The following SLIT2 variants were observed in gnomAD, a reference collection of about 807,000 sequenced individuals.
SLIT2 encodes slit guidance ligand 2, also known as slit homolog 2 protein.
A neutral mutation model predicts 185.7 loss-of-function variants in SLIT2; 41 were observed. The ratio of observed to expected loss-of-function variants is 0.22; its 90% CI spans 0.17 to 0.29. The LOEUF (loss-of-function observed/expected upper bound fraction) is 0.29. SLIT2 is among the 10% of genes least tolerant of loss of function. SLIT2 has a pLI of 1.00. For missense variants in SLIT2, 1,571 were observed against 1,909.0 expected (o/e 0.82, Z 3.30); for synonymous variants, 693 against 680.2 (o/e 1.02, Z -0.29).
In SLIT2 at chr4:20,351,973, G is replaced by A. The variant is rs778948400; in HGVS notation, c.395+83092G>A. The stretch of plus-strand genomic sequence containing the variant: ...TGGCATATGACAGTCATATTCTTGG[G>A]TTCTGTTGGTGTTTTTAAATCATGC... On this transcript the variant is annotated intron_variant, in intron 4 of 36. Coordinates refer to ENST00000504154, the MANE Select transcript of SLIT2 (RefSeq NM_004787.4). Among the ~76,000 whole-genome samples the A allele has an allele frequency of 2.6e-5, 4 of 152,106 alleles. No individual in the cohort carries two copies. In the South Asian group the frequency reaches 8.3e-4, roughly 32 times the overall value.
At chr4:20,343,015 G>T (rs1056527754) in intron 4 of SLIT2, among the ~76,000 whole-genome samples, 1 of 151,130 alleles carries the variant, frequency 6.6e-6, no homozygotes, top group Non-Finnish European at 1.5e-5. Context: ...TACATGCATA[G>T]AATGTACAAT....
chr4:20,264,927 C>G (rs1712873015), intron 3 of SLIT2, among the ~76,000 whole-genome samples: 1 of 151,910 alleles, frequency 6.6e-6, no homozygotes, highest in Non-Finnish European at 1.5e-5. Context: ...TTATATATCA[C>G]TATATCTCTG....
intron 11 of SLIT2, among the ~76,000 whole-genome samples, chr4:20,512,497 A>C (rs899905128): frequency 6.6e-6 from 1 of 152,174 alleles, no homozygotes. Context: ...TGACTAGAAG[A>C]AGCACGAGAT....
chr4:20,551,453 A>G (rs1410323842), intron 25 of SLIT2, among the ~76,000 whole-genome samples: 1 of 152,204 alleles, frequency 6.6e-6, no homozygotes, highest in African/African-American at 2.4e-5. Context: ...ACTTGTTTGT[A>G]CCTCCATAGT....
rs142978973 is a variant in SLIT2, at chr4:20,494,616, A to C, written c.914+2717A>C. Among the ~76,000 whole-genome samples, 603 of 152,136 alleles carry C rather than the reference A, an allele frequency of 4.0e-3. 4 individuals carry two copies. The highest frequency in any genetic ancestry group is 0.014 in the African/African-American group (569 of 41,502). On this transcript the variant is annotated intron_variant, in intron 9 of 36. Transcript: ENST00000504154. Reference sequence around the variant, plus strand: ...ACAGTGAAACCCTGTCTCTACTAAAAAATACAACAAAAATTAGCCGGGCGT... The same window carrying C: ...ACAGTGAAACCCTGTCTCTACTAAACAATACAACAAAAATTAGCCGGGCGT...
chr4:20,564,410 A>G (rs1724930005), intron 26 of SLIT2, among the ~76,000 whole-genome samples: 1 of 151,858 alleles, frequency 6.6e-6, no homozygotes, highest in African/African-American at 2.4e-5. Flanking sequence ...GGTTAAGGAG[A>G]ATTACAAGCT....
intron 4 of SLIT2, among the ~76,000 whole-genome samples, chr4:20,391,300 G>T (rs892650316): frequency 4.6e-5 from 7 of 151,982 alleles, no homozygotes; most frequent in African/African-American, 1.7e-4. Flanking sequence ...TATTCCTGAT[G>T]CATGAAATAA....
chr4:20,271,362 T>C (rs957245310), intron 4 of SLIT2, among the ~76,000 whole-genome samples: 1 of 147,630 alleles, frequency 6.8e-6, no homozygotes, highest in Non-Finnish European at 1.5e-5. Context: ...ATTCTATAAA[T>C]ATATATTTAT....
intron 29 of SLIT2, among the ~76,000 whole-genome samples, chr4:20,576,220 A>T (rs1726074590): frequency 6.6e-6 from 1 of 152,204 alleles, no homozygotes; most frequent in African/African-American, 2.4e-5. Flanking sequence ...TCTTATGGGA[A>T]TTCTTTATTC....
At chr4:20,435,783 T>C (rs750065970) in intron 4 of SLIT2, among the ~76,000 whole-genome samples, 10 of 152,096 alleles carry the variant, frequency 6.6e-5, no homozygotes, top group South Asian at 2.1e-4. Flanking sequence ...TAGGTAAAAA[T>C]GGATTGTGGC....
At chr4:20,420,564 C>A (rs945489004) in intron 4 of SLIT2, among the ~76,000 whole-genome samples, 1 of 150,566 alleles carries the variant, frequency 6.6e-6, no homozygotes, top group Non-Finnish European at 1.5e-5. Flanking sequence ...ACCCTAGGAA[C>A]TAGAGGCCAT....
intron 4 of SLIT2, among the ~76,000 whole-genome samples, chr4:20,333,884 G>A (rs1442730669): frequency 2.0e-5 from 3 of 152,264 alleles, no homozygotes; most frequent in Middle Eastern, 3.4e-3. Flanking sequence ...AGTTAGAAAT[G>A]TTTGTCAATT....
chr4:20,504,631 A>G (rs1295820383), intron 9 of SLIT2, among the ~76,000 whole-genome samples: 2 of 152,100 alleles, frequency 1.3e-5, no homozygotes, highest in Non-Finnish European at 2.9e-5. Flanking sequence ...CTGTACTGCT[A>G]ATTTGTTTAA....
chr4:20,370,050 G>A (rs1311761074), intron 4 of SLIT2, among the ~76,000 whole-genome samples: 1 of 152,062 alleles, frequency 6.6e-6, no homozygotes, highest in Non-Finnish European at 1.5e-5. Context: ...CTCTACCCCA[G>A]ACCAACTGAA....
intron 4 of SLIT2, among the ~76,000 whole-genome samples, chr4:20,353,630 G>A (rs572592705): frequency 6.6e-6 from 1 of 152,226 alleles, no homozygotes; most frequent in East Asian, 1.9e-4. Context: ...AATTTTACTT[G>A]CACTTGGAGA....
intron 30 of SLIT2, 60 bp from the exon 31 acceptor site, chr4:20,595,637 G>A (rs1000669513): frequency 2.9e-5 from 46 of 1,596,988 alleles, no homozygotes; most frequent in Non-Finnish European, 3.7e-5. Flanking sequence ...TAGATAAAAT[G>A]CATTGTTTAC....
At chr4:20,312,763 C>T (rs1577411941) in intron 4 of SLIT2, among the ~76,000 whole-genome samples, 2 of 101,396 alleles carry the variant, frequency 2.0e-5, no homozygotes, top group African/African-American at 8.6e-5. Context: ...TAGAGTGAGA[C>T]TTTGTCTCAA....
chr4:20,439,933 A>T (rs1428700920), intron 4 of SLIT2, among the ~76,000 whole-genome samples: 1 of 152,232 alleles, frequency 6.6e-6, no homozygotes, highest in Non-Finnish European at 1.5e-5. Context: ...ACTTAAAAGC[A>T]CACAGAAAGC....
At chr4:20,371,687 CT>C (rs1337080304) in intron 4 of SLIT2, among the ~76,000 whole-genome samples, 1 of 152,074 alleles carries the variant, frequency 6.6e-6, no homozygotes, top group Non-Finnish European at 1.5e-5. Flanking sequence ...GAAAAATGCA[CT>C]GTGATCATCA....
Sources: gnomAD v4.1 joint callset for allele counts (sites outside exome capture counted in the v4.1 genomes callset) on GRCh38, gnomAD v4.1.1 for gene constraint, MANE v1.5 for transcripts, NCBI Gene and HGNC (gene_info 2026-07-23, HGNC 2026-07-21) for gene names.